SUGCT: variants seen among roughly 807,000 people sequenced by gnomAD.
The protein encoded by SUGCT is succinyl-CoA:glutarate CoA-transferase.
SUGCT carries 41 observed loss-of-function variants against 55.0 expected under a neutral mutation model. The observed-to-expected ratio is 0.74, with a 90% CI of 0.58 to 0.97. The LOEUF is 0.97. Among genes scored for constraint, SUGCT ranks in the 50% least tolerant of loss-of-function variants. SUGCT has a pLI of 0.00. For synonymous variants in SUGCT, 187 were observed against 200.4 expected (o/e 0.93, Z 0.56); for missense variants, 568 against 547.8 (o/e 1.04, Z -0.37).
the SUGCT span, among the ~76,000 whole-genome samples, chr7:40,871,913 G>A: frequency 1.3e-4 from 20 of 152,248 alleles, no homozygotes; most frequent in African/African-American, 3.1e-4. Flanking sequence ...TAACCTCCAC[G>A]TTCTAGACCA....
At chr7:40,454,173 T>C (rs1052441999) in intron 10 of SUGCT, among the ~76,000 whole-genome samples, 1 of 152,142 alleles carries the variant, frequency 6.6e-6, no homozygotes, top group African/African-American at 2.4e-5. Flanking sequence ...CAGGAACCTA[T>C]TCAACAATAA....
rs1247750277 is a variant in SUGCT at position 40,182,055 on chromosome 7, T to C, written c.226+27T>C. 2.3e-6 allele frequency: 3 copies of C among 1,299,870 alleles called. No individual in the cohort carries two copies. The Admixed American group carries it at 6.1e-5, about 27-fold the overall frequency. 80.5% of individuals were successfully genotyped at this position (1,299,870 alleles called of 1,614,324 possible). A position where few individuals can be genotyped will look rare whatever the true frequency, so the allele number is the denominator to read the frequency against. The stretch of plus-strand genomic sequence containing the variant: ...TAAAGCTATTACTCCCTTTAAAAAA[T>C]AGAAACAAGCTAATAAATATTTTAA... On this transcript the variant is annotated intron_variant, in intron 3 of 13. Transcript: ENST00000335693.
At chr7:40,933,805 T>C in the SUGCT span, among the ~76,000 whole-genome samples, 16 of 152,346 alleles carry the variant, frequency 1.1e-4, 1 homozygote, top group South Asian at 3.3e-3. Context: ...AGGTCTTCTC[T>C]ACACTGTTTA....
chr7:40,519,160 C>T (rs1327501906), intron 12 of SUGCT, among the ~76,000 whole-genome samples: 3 of 151,974 alleles, frequency 2.0e-5, no homozygotes, highest in Non-Finnish European at 4.4e-5. Context: ...AATTGAAGTG[C>T]ATTCCATAAA....
chr7:40,485,417 C>CTTTTTTTTTTTTTTTTT (rs397889166), intron 11 of SUGCT, among the ~76,000 whole-genome samples: 1 of 74,418 alleles, frequency 1.3e-5, no homozygotes, highest in Non-Finnish European at 2.4e-5. Flanking sequence ...TATATACATT[C>CTTTTTTTTTTTTTTTTT]TTTTTTTTTT....
intron 13 of SUGCT, among the ~76,000 whole-genome samples, chr7:40,855,596 TTCTAG>T (rs1419197112): frequency 3.9e-5 from 6 of 152,356 alleles, no homozygotes; most frequent in Admixed American, 1.3e-4. Flanking sequence ...GTTCTCATAT[TTCTAG>T]TCATCCCTGG....
the SUGCT span, among the ~76,000 whole-genome samples, chr7:40,997,982 T>G: frequency 2.0e-5 from 3 of 152,156 alleles, no homozygotes; most frequent in African/African-American, 7.2e-5. Flanking sequence ...CTCGGAAATC[T>G]CTCAGTGGTC....
intron 9 of SUGCT, among the ~76,000 whole-genome samples, chr7:40,417,749 A>G (rs1172583082): frequency 1.3e-5 from 2 of 151,370 alleles, no homozygotes; most frequent in Non-Finnish European, 2.9e-5. Flanking sequence ...ATATTATTAA[A>G]TTTTTTCATG....
chr7:40,893,718 C>T, the SUGCT span, among the ~76,000 whole-genome samples: 1 of 152,020 alleles, frequency 6.6e-6, no homozygotes, highest in Admixed American at 6.5e-5. Flanking sequence ...CAAGGCAATC[C>T]TAGGCAAAAA....
chr7:40,363,608 T>C (rs966282488), intron 9 of SUGCT, among the ~76,000 whole-genome samples: 2 of 152,242 alleles, frequency 1.3e-5, no homozygotes, highest in Non-Finnish European at 2.9e-5. Flanking sequence ...TCAGTTTCCA[T>C]GTAGTTGAGC....
the SUGCT span, among the ~76,000 whole-genome samples, chr7:40,998,198 T>C: frequency 6.6e-6 from 1 of 152,012 alleles, no homozygotes; most frequent in Admixed American, 6.6e-5. Flanking sequence ...GAAACCCCCG[T>C]TTGTACTAAA....
At chr7:40,940,210 T>G in the SUGCT span, among the ~76,000 whole-genome samples, 1 of 152,136 alleles carries the variant, frequency 6.6e-6, no homozygotes, top group Non-Finnish European at 1.5e-5. Flanking sequence ...ACTTCTGAGC[T>G]CTCTATTCTG....
At chr7:40,676,109 A>G (rs1243826018) in intron 12 of SUGCT, among the ~76,000 whole-genome samples, 4 of 152,210 alleles carry the variant, frequency 2.6e-5, no homozygotes, top group South Asian at 2.1e-4. Context: ...GCATTGACAC[A>G]TAATGATATG....
At chr7:40,719,952 C>T (rs935907842) in intron 12 of SUGCT, among the ~76,000 whole-genome samples, 4 of 152,096 alleles carry the variant, frequency 2.6e-5, no homozygotes, top group African/African-American at 4.8e-5. Context: ...TCTGCCACTA[C>T]GCCCGGCTAA....
At chr7:40,710,033 C>T (rs1421090449) in intron 12 of SUGCT, among the ~76,000 whole-genome samples, 1 of 152,160 alleles carries the variant, frequency 6.6e-6, no homozygotes, top group Non-Finnish European at 1.5e-5. Flanking sequence ...TTGGAAGCAA[C>T]ATAGATCTTT....
intron 12 of SUGCT, among the ~76,000 whole-genome samples, chr7:40,667,689 T>A (rs1329052194): frequency 6.6e-6 from 1 of 152,088 alleles, no homozygotes; most frequent in Non-Finnish European, 1.5e-5. Context: ...ACTGTGTATT[T>A]CCAGTAATTT....
intron 13 of SUGCT, among the ~76,000 whole-genome samples, chr7:40,836,548 T>A (rs1242521772): frequency 6.6e-6 from 1 of 152,206 alleles, no homozygotes; most frequent in Non-Finnish European, 1.5e-5. Flanking sequence ...GTGATCAATG[T>A]ATAGAACGAT....
chr7:40,162,349 C>T (rs1784211159), intron 1 of SUGCT, among the ~76,000 whole-genome samples: 1 of 152,130 alleles, frequency 6.6e-6, no homozygotes, highest in Non-Finnish European at 1.5e-5. Context: ...CTTTCCTTTG[C>T]CTTGTAGGAG....
the SUGCT span, among the ~76,000 whole-genome samples, chr7:41,020,934 A>T: frequency 1.3e-5 from 2 of 152,216 alleles, no homozygotes; most frequent in African/African-American, 4.8e-5. Context: ...ATTTAGATAG[A>T]TGTCCTGCAA....
Sources: allele counts gnomAD v4.1 joint callset (sites outside exome capture counted in the v4.1 genomes callset), GRCh38; gene constraint gnomAD v4.1.1; transcripts MANE v1.5; gene names NCBI Gene and HGNC (gene_info 2026-07-23, HGNC 2026-07-21).